DNAH14: variants seen among roughly 807,000 people sequenced by gnomAD.
DNAH14 encodes the protein dynein axonemal heavy chain 14, also known as axonemal beta dynein heavy chain 14.
In DNAH14, 478 loss-of-function variants were observed where a neutral mutation model predicts 520.9. The ratio of observed to expected loss-of-function variants is 0.92; its 90% CI spans 0.85 to 0.99. The LOEUF is 0.99. Among genes scored for constraint, DNAH14 ranks in the 50% least tolerant of loss-of-function variants. The pLI, the probability that DNAH14 is intolerant of heterozygous loss-of-function variation, is 0.00. For missense variants in DNAH14, 4,831 were observed against 5,234.5 expected (o/e 0.92, Z 2.38); for synonymous variants, 1,581 against 1,757.2 (o/e 0.90, Z 2.51).
At chr1:224,961,376 G>T (rs1165582207) in intron 4 of DNAH14, 1 of 152,166 alleles carries the variant, frequency 6.6e-6, no homozygotes, top group African/African-American at 2.4e-5. Flanking sequence ...GTTATGCATT[G>T]TATTAGTCCT....
chr1:225,152,084 G>A lies in DNAH14; in HGVS notation c.5009+11G>A. The A allele has an allele frequency of 6.5e-7, 1 of 1,545,762 alleles. No individual in the cohort carries two copies. Among genetic ancestry groups the A allele is most frequent in the Admixed American group, 2.0e-5 (1 of 49,946 alleles). The stretch of plus-strand genomic sequence containing the variant: ...CACCATGAATCCCAGGTAAGTATCA[G>A]TAAATCTAGTGGGAATAGACACAGA... On this transcript the variant is annotated intron_variant, in intron 32 of 85. Coordinates refer to ENST00000682510, the MANE Select transcript of DNAH14 (RefSeq NM_001367479.1).
intron 65 of DNAH14, among the ~76,000 whole-genome samples, 174 bp downstream of exon 65, chr1:225,331,751 C>T (rs1455921359): frequency 1.3e-5 from 2 of 152,168 alleles, no homozygotes; most frequent in African/African-American, 4.8e-5. Context: ...CTGTTTGAGT[C>T]GTCTCAAAAC....
rs544631284 is a variant in DNAH14 at position 225,082,837 on chromosome 1, G to A, written c.3327+98G>A. The A allele has an allele frequency of 1.5e-4, 156 of 1,038,542 alleles. 1 individual carries two copies. In the African/African-American group the frequency reaches 2.0e-3, roughly 14 times the overall value. 64.3% of individuals were successfully genotyped at this position (1,038,542 alleles called of 1,614,324 possible). On this transcript the variant is annotated intron_variant, in intron 20 of 85. Transcript: ENST00000682510. ...ATACAATGGATAGGAATTAGGAAAG[G>A]AAGTTTATAAGAGTGCCTGGGAAAA...
At position 225,358,519 on chromosome 1, in the gene DNAH14, T is replaced by C. The variant is rs368426392; in HGVS notation, c.11643T>C (p.Ser3881=). Residue 3881 remains serine (S), a synonymous_variant, in exon 74 of 86, where the codon AGT becomes AGC. Transcript: ENST00000682510. ...LILVKVLRPE[S]LNNSVRKFIT... ...AGGTAAAAGTTCTTAGACCAGAAAG[T>C]TTAAACAATTCAGTGAGAAAGTTTA... is the stretch of plus-strand genomic sequence containing the variant. 1.5e-3 allele frequency: 2,301 copies of C among 1,535,632 alleles called. 63 individuals are homozygous for C. In the South Asian group the frequency reaches 0.027, roughly 18 times the overall value.
chr1:225,117,112 A>T (rs1171663637), intron 23 of DNAH14, among the ~76,000 whole-genome samples: 1 of 152,118 alleles, frequency 6.6e-6, no homozygotes, highest in Non-Finnish European at 1.5e-5. Context: ...AGTCTGGCAT[A>T]AGTTAATGGG....
intron 76 of DNAH14, among the ~76,000 whole-genome samples, chr1:225,366,378 A>G (rs566733833): frequency 6.6e-6 from 1 of 152,296 alleles, no homozygotes; most frequent in East Asian, 1.9e-4. Flanking sequence ...TGCTATCACT[A>G]AAAATCAAAA....
intron 8 of DNAH14, among the ~76,000 whole-genome samples, chr1:224,987,493 G>T (rs1444539545): frequency 6.6e-6 from 1 of 152,176 alleles, no homozygotes; most frequent in African/African-American, 2.4e-5. Context: ...GGTCTGGAGG[G>T]CTGGGAAGTT....
intron 2 of DNAH14, 41 bp downstream of exon 2, chr1:224,952,820 A>T: frequency 1.4e-6 from 2 of 1,472,568 alleles, no homozygotes; most frequent in Non-Finnish European, 1.8e-6. Context: ...TTTCTAAAGT[A>T]AGATTTCAGC....
At chr1:225,012,712 A>G (rs1432006137) in intron 10 of DNAH14, among the ~76,000 whole-genome samples, 1 of 151,802 alleles carries the variant, frequency 6.6e-6, no homozygotes, top group Non-Finnish European at 1.5e-5. Flanking sequence ...CATTAAGTTG[A>G]TCTTCAATCT....
At chr1:224,940,478 T>A (rs2059341725) in intron 1 of DNAH14, among the ~76,000 whole-genome samples, 1 of 152,176 alleles carries the variant, frequency 6.6e-6, no homozygotes, top group African/African-American at 2.4e-5. Context: ...GCTTGTCTTT[T>A]TATTTTCTTT....
intron 36 of DNAH14, among the ~76,000 whole-genome samples, chr1:225,171,199 A>G (rs948924786): frequency 2.6e-5 from 4 of 152,220 alleles, no homozygotes; most frequent in African/African-American, 9.6e-5. Context: ...CTAACATCAC[A>G]ATTAAAAGAA....
chr1:224,964,800 A>G (rs1288811230), intron 5 of DNAH14, among the ~76,000 whole-genome samples, 191 bp downstream of exon 5: 3 of 152,168 alleles, frequency 2.0e-5, no homozygotes, highest in Non-Finnish European at 4.4e-5. Flanking sequence ...GAGAATAGAT[A>G]AAGCATATAA....
At chr1:225,309,778 A>G (rs943339443) in intron 60 of DNAH14, among the ~76,000 whole-genome samples, 5 of 152,136 alleles carry the variant, frequency 3.3e-5, no homozygotes, top group African/African-American at 9.7e-5. Context: ...CTGTAATCCC[A>G]GCTACTTAGG....
chr1:224,933,246 G>A (rs1359729958), intron 1 of DNAH14, among the ~76,000 whole-genome samples: 1 of 151,970 alleles, frequency 6.6e-6, no homozygotes. Context: ...TTAGTGTATA[G>A]AAATGCTACT....
chr1:225,035,059 T>TTTG (rs1553397430), intron 11 of DNAH14, among the ~76,000 whole-genome samples: 1 of 151,536 alleles, frequency 6.6e-6, no homozygotes, highest in Non-Finnish European at 1.5e-5. Context: ...AATGTTTTTT[T>TTTG]TGTGTGTGTG....
At chr1:224,964,347 T>C in intron 4 of DNAH14, 132 bp from the exon 5 acceptor site, 2 of 1,039,926 alleles carry the variant, frequency 1.9e-6, no homozygotes, top group South Asian at 7.8e-5. Context: ...TTTTCTCCTC[T>C]AATAATCGTT....
At position 225,265,940 on chromosome 1, in the gene DNAH14, T is replaced by A. The variant is rs533830686; in HGVS notation, c.7410+571T>A. ...TCTTAATAAATATATATATATATATTGACAGTTACAAATTAGGTAATTACA... is the reference window on the plus strand; with the variant it reads ...TCTTAATAAATATATATATATATATAGACAGTTACAAATTAGGTAATTACA... On this transcript the variant is annotated intron_variant, in intron 48 of 85. Coordinates refer to ENST00000682510, the MANE Select transcript of DNAH14 (RefSeq NM_001367479.1). Among the ~76,000 whole-genome samples, 60 of 151,550 alleles carry A rather than the reference T, an allele frequency of 4.0e-4. No homozygotes were observed. In the Middle Eastern group the frequency reaches 0.01, roughly 26 times the overall value.
chr1:225,122,886 C>A (rs1163724252), intron 26 of DNAH14, among the ~76,000 whole-genome samples: 2 of 151,900 alleles, frequency 1.3e-5, no homozygotes, highest in Admixed American at 6.6e-5. Flanking sequence ...TAGAGTGATA[C>A]CTAAGAAAGA....
intron 61 of DNAH14, among the ~76,000 whole-genome samples, chr1:225,321,144 T>C (rs181640237): frequency 6.6e-6 from 1 of 152,210 alleles, no homozygotes; most frequent in Admixed American, 6.5e-5. Context: ...AATAAAGTGC[T>C]AATGATTGAG....
Sources: allele counts gnomAD v4.1 joint callset (sites outside exome capture counted in the v4.1 genomes callset), GRCh38; gene constraint gnomAD v4.1.1; transcripts MANE v1.5; gene names NCBI Gene and HGNC (gene_info 2026-07-23, HGNC 2026-07-21).